BACC1: variants seen among roughly 807,000 people sequenced by gnomAD.
BACC1 encodes BPTF-associated chromatin complex component 1.
At chr17:7,016,627 T>C in the BACC1 span, 1 of 1,613,936 alleles carries the variant, frequency 6.2e-7, no homozygotes, top group African/African-American at 1.3e-5. Context: ...CTGCCCCTCC[T>C]CCCAGCAGCT....
chr17:7,016,848 G>C, the BACC1 span: 1 of 1,556,606 alleles, frequency 6.4e-7, no homozygotes, highest in African/African-American at 1.4e-5. Context: ...GCTTTGGGAA[G>C]CTTGGGGCTG....
the BACC1 span, chr17:7,014,832 G>T: frequency 6.5e-7 from 1 of 1,527,900 alleles, no homozygotes; most frequent in Non-Finnish European, 8.8e-7. This position sits in a 1 kb window ranked among gnomAD's most constrained non-coding sequence, Gnocchi z 4.5. Context: ...CGGCGGCGGC[G>T]TCTCCGTGAG....
chr17:7,015,712 C>G, the BACC1 span: 1 of 1,507,720 alleles, frequency 6.6e-7, no homozygotes, highest in Non-Finnish European at 9.2e-7. Context: ...GATGCATAGC[C>G]TGTGGGCGGG....
chr17:7,016,245 A>G, the BACC1 span: 2 of 545,774 alleles, frequency 3.7e-6, no homozygotes, highest in Non-Finnish European at 6.4e-6. Flanking sequence ...ACCAAGCTCT[A>G]CCTGATGTCT....
chr17:7,016,695 G>A, the BACC1 span: 9 of 1,604,820 alleles, frequency 5.6e-6, no homozygotes, highest in Admixed American at 7.1e-5. Flanking sequence ...GGTGAGGGCT[G>A]TGGAGTTGCT....
the BACC1 span, chr17:7,015,605 G>A: frequency 1.5e-6 from 2 of 1,362,592 alleles, no homozygotes; most frequent in Non-Finnish European, 1.9e-6. Flanking sequence ...GTTCCCGCAG[G>A]GCCTCAAGAG....
chr17:7,016,642 T>C, the BACC1 span: 1 of 1,613,932 alleles, frequency 6.2e-7, no homozygotes, highest in South Asian at 1.1e-5. Flanking sequence ...GCAGCTCCAG[T>C]GTCCCTGAGG....
the BACC1 span, chr17:7,015,538 G>A: frequency 7.1e-7 from 1 of 1,416,742 alleles, no homozygotes; most frequent in Non-Finnish European, 9.2e-7. Flanking sequence ...CGTTGATGGT[G>A]GAAAGGGGTG....
At chr17:7,016,684 T>TG in the BACC1 span, 1 of 1,609,478 alleles carries the variant, frequency 6.2e-7, no homozygotes, top group East Asian at 2.2e-5. Flanking sequence ...AACAGAAGGC[T>TG]GGTGAGGGCT....
the BACC1 span, chr17:7,015,973 C>A: frequency 1.0e-6 from 1 of 960,050 alleles, no homozygotes. Flanking sequence ...AGCTCAGCTG[C>A]TTCCCTACTT....
At chr17:7,014,882 C>T in the BACC1 span, 1 of 1,533,042 alleles carries the variant, frequency 6.5e-7, no homozygotes, top group Non-Finnish European at 8.7e-7. This position sits in a 1 kb window ranked among gnomAD's most constrained non-coding sequence, Gnocchi z 4.5. Flanking sequence ...CACAAAGGTT[C>T]GACCTCCCTC....
the BACC1 span, chr17:7,015,443 G>T: frequency 2.6e-5 from 36 of 1,361,430 alleles, no homozygotes; most frequent in Non-Finnish European, 3.3e-5. Flanking sequence ...TCCCCCAGAC[G>T]GCTGCAGGCT....
At chr17:7,015,569 G>A in the BACC1 span, 2 of 1,419,302 alleles carry the variant, frequency 1.4e-6, no homozygotes, top group Non-Finnish European at 1.8e-6. Context: ...AGGTGGTTGT[G>A]ATTTCTTGTG....
At chr17:7,015,209 GT>G in the BACC1 span, 1 of 1,514,276 alleles carries the variant, frequency 6.6e-7, no homozygotes, top group Non-Finnish European at 8.8e-7. Context: ...CTTGGACTCG[GT>G]CACAGACACG....
the BACC1 span, chr17:7,015,057 C>T: frequency 4.6e-6 from 7 of 1,531,774 alleles, no homozygotes; most frequent in Non-Finnish European, 2.6e-6. Context: ...CTGCCCCGCC[C>T]CCAGGTCGGA....
the BACC1 span, chr17:7,017,238 A>G: frequency 1.9e-6 from 3 of 1,614,020 alleles, no homozygotes; most frequent in South Asian, 3.3e-5. Context: ...ATCTCGGCCC[A>G]TTTTACTTCC....
chr17:7,016,573 A>C, the BACC1 span: 1 of 1,614,178 alleles, frequency 6.2e-7, no homozygotes, highest in Non-Finnish European at 8.5e-7. Flanking sequence ...CACCCAAGAA[A>C]GGGCCCAAGA....
At chr17:7,016,872 CAG>C in the BACC1 span, 18 of 1,583,350 alleles carry the variant, frequency 1.1e-5, no homozygotes, top group Admixed American at 1.7e-5. Context: ...GAGAGGCTGT[CAG>C]GGGAACCTAG....
chr17:7,016,720 G>T, the BACC1 span: 1 of 1,590,018 alleles, frequency 6.3e-7, no homozygotes, highest in Non-Finnish European at 8.6e-7. Context: ...AGGGGTTAAA[G>T]GTCCCATCTG....
Sources: allele counts gnomAD v4.1 joint callset, GRCh38; gene constraint gnomAD v4.1.1; non-coding constraint Gnocchi (gnomAD v3.1); transcripts MANE v1.5; gene names NCBI Gene and HGNC (gene_info 2026-07-23, HGNC 2026-07-21).